CNTNAP4: variants seen among roughly 807,000 people sequenced by gnomAD.
CNTNAP4 encodes contactin-associated protein-like 4.
A neutral mutation model predicts 148.4 loss-of-function variants in CNTNAP4; 98 were observed. That is an observed-to-expected ratio of 0.66 (90% CI 0.56 to 0.78). The LOEUF is 0.78. Among genes scored for constraint, CNTNAP4 ranks in the 30% least tolerant of loss-of-function variants. CNTNAP4 has a pLI of 0.00. For missense variants in CNTNAP4, 1,935 were observed against 1,565.6 expected (o/e 1.24, Z -3.98); for synonymous variants, 730 against 565.1 (o/e 1.29, Z -4.14).
At chr16:76,396,819 A>G (rs1379418612) in intron 3 of CNTNAP4, among the ~76,000 whole-genome samples, 1 of 152,196 alleles carries the variant, frequency 6.6e-6, no homozygotes, top group Non-Finnish European at 1.5e-5. Flanking sequence ...CAATGTGCAC[A>G]TCAAACATCC....
chr16:76,298,069 C>A (rs367938640), intron 1 of CNTNAP4, among the ~76,000 whole-genome samples: 12 of 152,306 alleles, frequency 7.9e-5, no homozygotes, highest in Admixed American at 4.6e-4. Flanking sequence ...AGTGTCCCTA[C>A]ATCTTCCCCA....
Position 76,453,623 on chromosome 16 carries a change from C to A in CNTNAP4, c.1333+854C>A, listed in dbSNP as rs1032099373. ...AACTTAAAGATTCCATTGTACTACT[C>A]CTCTATATTAAGTATGACCAAAAAA... On this transcript the variant is annotated intron_variant, in intron 8 of 23. Transcript: ENST00000611870. 3.3e-5 allele frequency among the ~76,000 whole-genome samples: 5 copies of A among 152,002 alleles called. No individual in the cohort carries two copies. The East Asian group carries it at 9.7e-4, about 29-fold the overall frequency.
chr16:76,448,248 G>C, intron 5 of CNTNAP4, 33 bp downstream of exon 5: 1 of 1,442,216 alleles, frequency 6.9e-7, no homozygotes, highest in Non-Finnish European at 9.7e-7. Context: ...TCAAAAATCT[G>C]ATTATTTAGA....
intron 8 of CNTNAP4, among the ~76,000 whole-genome samples, chr16:76,454,560 T>A (rs1402144454): frequency 1.3e-5 from 2 of 152,210 alleles, no homozygotes; most frequent in African/African-American, 4.8e-5. Context: ...ACAAGTAGGA[T>A]TTTATTTAAA....
intron 3 of CNTNAP4, among the ~76,000 whole-genome samples, chr16:76,397,425 C>G (rs949016808): frequency 1.3e-5 from 2 of 151,776 alleles, no homozygotes; most frequent in African/African-American, 4.8e-5. Context: ...GAAACAGTAA[C>G]CATTTTCTCC....
intron 5 of CNTNAP4, 22 bp downstream of exon 5, chr16:76,448,237 C>T (rs1247520504): frequency 4.6e-6 from 7 of 1,522,574 alleles, no homozygotes; most frequent in Non-Finnish European, 6.3e-6. Context: ...CGGTGAAGTG[C>T]TCAAAAATCT....
chr16:76,278,559 G>GAA (rs1049585616), intron 1 of CNTNAP4, among the ~76,000 whole-genome samples: 1 of 152,178 alleles, frequency 6.6e-6, no homozygotes, highest in African/African-American at 2.4e-5. Context: ...ATTAGAGATA[G>GAA]AAAAAGTTTT....
intron 3 of CNTNAP4, among the ~76,000 whole-genome samples, chr16:76,367,516 A>G (rs1174575492): frequency 6.6e-6 from 1 of 152,238 alleles, no homozygotes; most frequent in East Asian, 1.9e-4. Flanking sequence ...TATGATAGCA[A>G]TGCCCACATT....
chr16:76,549,995 C>T (rs2084896520), intron 21 of CNTNAP4, among the ~76,000 whole-genome samples: 1 of 152,090 alleles, frequency 6.6e-6, no homozygotes, highest in Non-Finnish European at 1.5e-5. Context: ...AGATAAGATA[C>T]ACACTTAGGG....
chr16:76,461,303 G>T (rs765878031), intron 8 of CNTNAP4, among the ~76,000 whole-genome samples: 1 of 152,122 alleles, frequency 6.6e-6, no homozygotes, highest in Non-Finnish European at 1.5e-5. Context: ...GGACAGGGCC[G>T]CTTAAGGTCT....
chr16:76,464,213 A>G (rs2081091617), intron 9 of CNTNAP4, among the ~76,000 whole-genome samples: 1 of 152,122 alleles, frequency 6.6e-6, no homozygotes, highest in African/African-American at 2.4e-5. Flanking sequence ...AAAATTCTGG[A>G]TCCTGGGAGT....
At chr16:76,489,035 A>G (rs901000825) in intron 12 of CNTNAP4, among the ~76,000 whole-genome samples, 6 of 152,114 alleles carry the variant, frequency 3.9e-5, no homozygotes, top group African/African-American at 1.2e-4. Flanking sequence ...AGATCACATG[A>G]TATCAAAATG....
intron 2 of CNTNAP4, among the ~76,000 whole-genome samples, chr16:76,342,465 C>CTTTTTTTTTTTTTTTTTTTTT (rs397854943): frequency 1.1e-5 from 1 of 91,490 alleles, no homozygotes; most frequent in Non-Finnish European, 2.0e-5. Context: ...TTGCTAATTT[C>CTTTTTTTTTTTTTTTTTTTTT]TTTTTTTTTT....
At chr16:76,385,401 A>G (rs1476942828) in intron 3 of CNTNAP4, among the ~76,000 whole-genome samples, 2 of 152,180 alleles carry the variant, frequency 1.3e-5, no homozygotes, top group Non-Finnish European at 2.9e-5. Flanking sequence ...AGCAATTTTG[A>G]TTATAAATTC....
intron 4 of CNTNAP4, among the ~76,000 whole-genome samples, chr16:76,447,786 A>C (rs372038758): frequency 7.2e-5 from 11 of 152,228 alleles, no homozygotes; most frequent in Admixed American, 7.2e-4. Flanking sequence ...GCTAGGCTAA[A>C]CTATGAGGTT....
At chr16:76,556,685 G>A (rs2085211605) in intron 23 of CNTNAP4, among the ~76,000 whole-genome samples, 1 of 152,182 alleles carries the variant, frequency 6.6e-6, no homozygotes, top group South Asian at 2.1e-4. Flanking sequence ...TTTCTAAAAT[G>A]AGAAGCAAAA....
chr16:76,327,295 CAT>C (rs1158827810), intron 2 of CNTNAP4, among the ~76,000 whole-genome samples: 5 of 152,184 alleles, frequency 3.3e-5, no homozygotes, highest in African/African-American at 7.2e-5. Context: ...TACAAGATAA[CAT>C]GTGGTATTAG....
chr16:76,479,182 A>G (rs2081710947), intron 11 of CNTNAP4, among the ~76,000 whole-genome samples: 1 of 151,982 alleles, frequency 6.6e-6, no homozygotes, highest in African/African-American at 2.4e-5. Flanking sequence ...AAGTAATTTC[A>G]TTTTCCTTTA....
intron 3 of CNTNAP4, among the ~76,000 whole-genome samples, chr16:76,408,958 C>G (rs538536501): frequency 6.6e-6 from 1 of 152,102 alleles, no homozygotes; most frequent in Non-Finnish European, 1.5e-5. Context: ...CCTATTCTTA[C>G]AGAGCCATGG....
Sources: gnomAD v4.1 joint callset for allele counts (sites outside exome capture counted in the v4.1 genomes callset) on GRCh38, gnomAD v4.1.1 for gene constraint, MANE v1.5 for transcripts, NCBI Gene and HGNC (gene_info 2026-07-23, HGNC 2026-07-21) for gene names.